The following ARHGAP20 variants were observed in gnomAD, a reference collection of about 807,000 sequenced individuals.
ARHGAP20 encodes rho GTPase-activating protein 20.
Under a neutral mutation model 73.7 loss-of-function variants are expected in ARHGAP20, and 34 were observed. That is an observed-to-expected ratio of 0.46 (90% CI 0.35 to 0.61). The LOEUF (loss-of-function observed/expected upper bound fraction) is 0.61. ARHGAP20 is among the 20% of genes least tolerant of loss of function. The pLI, the probability that ARHGAP20 is intolerant of heterozygous loss-of-function variation, is 0.00. For synonymous variants in ARHGAP20, 523 were observed against 518.2 expected (o/e 1.01, Z -0.13); for missense variants, 1,314 against 1,420.9 (o/e 0.92, Z 1.21).
intron 2 of ARHGAP20, among the ~76,000 whole-genome samples, chr11:110,671,881 G>C (rs948089510): frequency 6.6e-5 from 10 of 152,058 alleles, no homozygotes; most frequent in African/African-American, 2.4e-4. Flanking sequence ...GAGTGAAAAC[G>C]TATGTACTTT....
intron 2 of ARHGAP20, among the ~76,000 whole-genome samples, chr11:110,646,818 G>A (rs977771227): frequency 6.6e-6 from 1 of 151,988 alleles, no homozygotes; most frequent in Non-Finnish European, 1.5e-5. Flanking sequence ...AAGTAGCCAG[G>A]GCCATGCAAA....
chr11:110,633,584 T>C (rs1948903083), intron 2 of ARHGAP20, among the ~76,000 whole-genome samples: 1 of 152,236 alleles, frequency 6.6e-6, no homozygotes, highest in African/African-American at 2.4e-5. Flanking sequence ...CAGTAGAAAC[T>C]GTACTTCAGA....
At chr11:110,670,969 T>G (rs991015349) in intron 2 of ARHGAP20, among the ~76,000 whole-genome samples, 82 of 152,144 alleles carry the variant, frequency 5.4e-4, no homozygotes, top group Non-Finnish European at 1.1e-3. Context: ...GATAGGATCC[T>G]GGTATAGAAA....
At chr11:110,598,283 A>AT (rs1313512586) in intron 9 of ARHGAP20, among the ~76,000 whole-genome samples, 1 of 152,034 alleles carries the variant, frequency 6.6e-6, no homozygotes, top group East Asian at 1.9e-4. Flanking sequence ...ATTCCAGTTC[A>AT]GTCCTAGGTC....
intron 1 of ARHGAP20, among the ~76,000 whole-genome samples, chr11:110,695,358 T>G (rs946838743): frequency 6.6e-6 from 1 of 151,518 alleles, no homozygotes; most frequent in African/African-American, 2.4e-5. Context: ...AGATTTAACA[T>G]TTCCATGCTT....
Position 110,712,106 on chromosome 11 carries a change from G to A in ARHGAP20, c.105+21C>T, listed in dbSNP as rs774649283. ...GGGGCTGCGGCGGCGGAGGGCACGG[G>A]CCCCCGCTCAGCGTCCTCACCTTCT... On this transcript the variant is annotated intron_variant, in intron 1 of 14. Coordinates refer to ENST00000683387, the MANE Select transcript of ARHGAP20 (RefSeq NM_001384657.1). 5.2e-5 allele frequency: 67 copies of A among 1,298,648 alleles called. No homozygotes were observed. In the East Asian group the frequency reaches 2.1e-3, roughly 40 times the overall value. The allele number at this position is 1,298,648 out of a possible 1,614,324, so 80.4% of individuals were successfully genotyped here.
intron 2 of ARHGAP20, among the ~76,000 whole-genome samples, chr11:110,652,338 A>G (rs1949374218): frequency 6.6e-6 from 1 of 152,054 alleles, no homozygotes; most frequent in Admixed American, 6.6e-5. Context: ...TGACAATGAT[A>G]TGCTCTCTCT....
Position 110,712,239 on chromosome 11 carries a change from A to G in ARHGAP20, c.-8T>C, listed in dbSNP as rs1379242158. On this transcript the variant is annotated 5_prime_UTR_variant, in exon 1 of 15. Transcript: ENST00000683387. ...GGGGGACATCGCTTCCATGAAGAAA[A>G]TCTTCAAACAAATCCCAGCCCAGGA... is the stretch of plus-strand genomic sequence containing the variant. 2 of 1,336,900 alleles carry G rather than the reference A, an allele frequency of 1.5e-6. No homozygotes were observed. The highest frequency in any genetic ancestry group is 6.1e-5 in the Admixed American group (2 of 32,606). 82.8% of individuals were successfully genotyped at this position (1,336,900 alleles called of 1,614,324 possible). A position where few individuals can be genotyped will look rare whatever the true frequency, so the allele number is the denominator to read the frequency against.
At chr11:110,643,415 T>G (rs2134990387) in intron 2 of ARHGAP20, among the ~76,000 whole-genome samples, 1 of 152,206 alleles carries the variant, frequency 6.6e-6, no homozygotes, top group South Asian at 2.1e-4. Context: ...CGACAATCTT[T>G]CCTCTTAACA....
In ARHGAP20 at chr11:110,685,702, G is replaced by A. The variant is rs189629517; in HGVS notation, c.188+4845C>T. On this transcript the variant is annotated intron_variant, in intron 2 of 14. Coordinates refer to ENST00000683387, the MANE Select transcript of ARHGAP20 (RefSeq NM_001384657.1). The stretch of plus-strand genomic sequence containing the variant: ...AAATCTCCTGCAGATTTAGATACAA[G>A]CTTTGTCATCTACAAGTCATTAATT... Among the ~76,000 whole-genome samples the A allele has an allele frequency of 4.6e-5, 7 of 152,220 alleles. No homozygotes were observed. The East Asian group carries it at 1.2e-3, about 25-fold the overall frequency.
At chr11:110,605,135 A>C (rs1948194346) in intron 9 of ARHGAP20, among the ~76,000 whole-genome samples, 1 of 152,200 alleles carries the variant, frequency 6.6e-6, no homozygotes, top group Non-Finnish European at 1.5e-5. Flanking sequence ...GACAGGGATG[A>C]TCACGATAAC....
intron 2 of ARHGAP20, among the ~76,000 whole-genome samples, chr11:110,666,800 G>C (rs890550781): frequency 1.2e-4 from 19 of 152,080 alleles, no homozygotes; most frequent in Admixed American, 1.1e-3. Flanking sequence ...TAATTGTTTT[G>C]GGGCACTGTG....
chr11:110,583,457 AT>A (rs1479253601), intron 13 of ARHGAP20, 90 bp downstream of exon 13: 3 of 1,177,362 alleles, frequency 2.5e-6, no homozygotes, highest in Non-Finnish European at 3.5e-6. Flanking sequence ...TATTTAAGTT[AT>A]TTAAGAAATC....
intron 2 of ARHGAP20, among the ~76,000 whole-genome samples, chr11:110,683,918 C>A (rs1216692067): frequency 6.6e-6 from 1 of 151,970 alleles, no homozygotes; most frequent in Non-Finnish European, 1.5e-5. Context: ...AGGGCAGAGC[C>A]CTTATGAAGA....
chr11:110,595,199 C>T, intron 9 of ARHGAP20, among the ~76,000 whole-genome samples: 1 of 151,972 alleles, frequency 6.6e-6, no homozygotes, highest in African/African-American at 2.4e-5. Flanking sequence ...ACTGAATGGG[C>T]AAAAACTGGA....
At chr11:110,606,225 G>A (rs1948226011) in intron 9 of ARHGAP20, among the ~76,000 whole-genome samples, 2 of 152,238 alleles carry the variant, frequency 1.3e-5, no homozygotes, top group Admixed American at 1.3e-4. Context: ...AACCATTTAG[G>A]GAGAACACAC....
At chr11:110,595,899 C>G (rs557347454) in intron 9 of ARHGAP20, among the ~76,000 whole-genome samples, 1 of 152,038 alleles carries the variant, frequency 6.6e-6, no homozygotes, top group South Asian at 2.1e-4. Flanking sequence ...AACTATACTA[C>G]AAGGCTACAG....
intron 2 of ARHGAP20, among the ~76,000 whole-genome samples, chr11:110,638,100 A>G (rs989604699): frequency 6.6e-6 from 1 of 152,108 alleles, no homozygotes; most frequent in Non-Finnish European, 1.5e-5. Flanking sequence ...CTGAAAATCC[A>G]AAATACAAAA....
chr11:110,691,305 T>C (rs975541685), intron 1 of ARHGAP20, among the ~76,000 whole-genome samples: 3 of 152,154 alleles, frequency 2.0e-5, no homozygotes, highest in African/African-American at 7.2e-5. Context: ...CTAAATTTAG[T>C]CTTATATATT....
Sources: gnomAD v4.1 joint callset for allele counts (sites outside exome capture counted in the v4.1 genomes callset) on GRCh38, gnomAD v4.1.1 for gene constraint, MANE v1.5 for transcripts, NCBI Gene and HGNC (gene_info 2026-07-23, HGNC 2026-07-21) for gene names.